The following STAM variants were observed in gnomAD, a reference collection of about 807,000 sequenced individuals.
STAM encodes signal transducing adapter molecule 1.
A neutral mutation model predicts 63.4 loss-of-function variants in STAM; 16 were observed. The observed-to-expected ratio is 0.25, with a 90% CI of 0.17 to 0.38. The LOEUF is 0.38. STAM is among the 10% of genes least tolerant of loss of function. The probability of loss-of-function intolerance (pLI) is 1.00; values close to 1 mark genes in which losing one functional copy is unlikely to be tolerated. For missense variants in STAM, 636 were observed against 657.1 expected, an observed-to-expected ratio of 0.97 and a Z score of 0.35; for synonymous variants, 238 against 223.9, an observed-to-expected ratio of 1.06 and a Z score of -0.56.
At chr10:17,647,588 C>A (rs1554821030) in intron 1 of STAM, among the ~76,000 whole-genome samples, 1 of 151,978 alleles carries the variant, frequency 6.6e-6, no homozygotes, top group Non-Finnish European at 1.5e-5. Flanking sequence ...TGGATTCAGT[C>A]CCAGGTTTGC....
intron 12 of STAM, among the ~76,000 whole-genome samples, chr10:17,707,964 C>T (rs563764358): frequency 2.0e-5 from 3 of 151,804 alleles, no homozygotes; most frequent in South Asian, 2.1e-4. Context: ...GATCTCAGCT[C>T]GCTGCCAGCT....
chr10:17,661,091 C>G (rs1477323118), intron 2 of STAM, among the ~76,000 whole-genome samples: 1 of 152,126 alleles, frequency 6.6e-6, no homozygotes, highest in African/African-American at 2.4e-5. Context: ...GAAATTTTTT[C>G]TTTCTGTTGA....
At chr10:17,690,193 G>T (rs1835470656) in intron 5 of STAM, among the ~76,000 whole-genome samples, 1 of 152,190 alleles carries the variant, frequency 6.6e-6, no homozygotes. Flanking sequence ...TCTCAGTCCA[G>T]TGTTCTTTTC....
intron 1 of STAM, among the ~76,000 whole-genome samples, chr10:17,651,064 C>CAA (rs10606057): frequency 3.4e-4 from 19 of 55,746 alleles, no homozygotes; most frequent in Non-Finnish European, 5.2e-4. Flanking sequence ...GAGTCCGTCT[C>CAA]AAAAAAAAAA....
chr10:17,656,907 C>A (rs145850510), intron 1 of STAM, among the ~76,000 whole-genome samples: 1 of 152,214 alleles, frequency 6.6e-6, no homozygotes, highest in African/African-American at 2.4e-5. Flanking sequence ...CGGTTTTTAA[C>A]TTTGATCCCA....
At position 17,644,298 on chromosome 10, in the gene STAM, G is replaced by A. The variant is rs1833430807; in HGVS notation, c.-42G>A. ...TACGTCGAGCTCTGACTCCCGTGCT[G>A]TCGAGAGGGAGTCCCCGGGGACACC... On this transcript the variant is annotated 5_prime_UTR_variant, in exon 1 of 14. Coordinates refer to ENST00000377524, the MANE Select transcript of STAM (RefSeq NM_003473.4). 2 of 1,610,826 alleles carry A rather than the reference G, an allele frequency of 1.2e-6. No individual in the cohort carries two copies. Among genetic ancestry groups the A allele is most frequent in the Admixed American group, 1.7e-5 (1 of 60,008 alleles).
rs1296744353 is a variant in STAM, at chr10:17,716,745, C to T, written c.*1965C>T. Among the ~76,000 whole-genome samples the T allele has an allele frequency of 6.6e-6, 1 of 152,150 alleles. No homozygotes were observed. The highest frequency in any genetic ancestry group is 1.5e-5 in the Non-Finnish European group (1 of 68,030). ...GTAACAGTGAATAGAAAAAACTACC[C>T]TTATTACAACCCATATACATTTTTC... On this transcript the variant is annotated 3_prime_UTR_variant, in exon 14 of 14. Coordinates refer to ENST00000377524, the MANE Select transcript of STAM (RefSeq NM_003473.4).
chr10:17,709,592 G>C (rs1367757764), intron 13 of STAM, among the ~76,000 whole-genome samples: 1 of 152,114 alleles, frequency 6.6e-6, no homozygotes, highest in Non-Finnish European at 1.5e-5. Context: ...GGGACTCTGA[G>C]CTGAAATCTT....
At chr10:17,714,511 T>G in intron 13 of STAM, 32 bp from the exon 14 acceptor site, 1 of 1,583,710 alleles carries the variant, frequency 6.3e-7, no homozygotes, top group South Asian at 1.1e-5. Context: ...AAATCAGTAT[T>G]GATGTAATTG....
chr10:17,707,265 C>G (rs1836328540), intron 12 of STAM, among the ~76,000 whole-genome samples: 1 of 151,988 alleles, frequency 6.6e-6, no homozygotes, highest in South Asian at 2.1e-4. Context: ...AAAAATTTAG[C>G]CTGGCGTGGT....
chr10:17,704,963 A>C lies in STAM; in HGVS notation c.1001-7A>C. On this transcript the variant is annotated splice_region_variant and splice_polypyrimidine_tract_variant and intron_variant, in intron 10 of 13. Coordinates refer to ENST00000377524, the MANE Select transcript of STAM (RefSeq NM_003473.4). ...TTCTTATATTTCTTCACATCTTGTC[A>C]TTTTAGCAATGTGTCACCAGATGGG... 4 of 1,610,216 alleles carry C rather than the reference A, an allele frequency of 2.5e-6. No individual in the cohort carries two copies. The highest frequency in any genetic ancestry group is 3.4e-6 in the Non-Finnish European group (4 of 1,178,218).
intron 5 of STAM, among the ~76,000 whole-genome samples, chr10:17,688,956 T>C (rs1835415227): frequency 6.6e-6 from 1 of 152,130 alleles, no homozygotes; most frequent in Non-Finnish European, 1.5e-5. Context: ...ATGAGAGGAC[T>C]TTAGAAGGGG....
At chr10:17,703,008 C>CAAAAAAAAAAAAAAAAA (rs71507229) in intron 9 of STAM, among the ~76,000 whole-genome samples, 1 of 67,868 alleles carries the variant, frequency 1.5e-5, no homozygotes, top group African/African-American at 5.2e-5. Flanking sequence ...GACTCCATCT[C>CAAAAAAAAAAAAAAAAA]AAAAAAAAAA....
intron 2 of STAM, among the ~76,000 whole-genome samples, chr10:17,683,474 A>C (rs1186278866): frequency 7.3e-5 from 11 of 151,446 alleles, no homozygotes; most frequent in African/African-American, 2.7e-4. Flanking sequence ...TTTTATTTTC[A>C]TTTTTCTCTT....
At chr10:17,669,655 G>A (rs1834542484) in intron 2 of STAM, among the ~76,000 whole-genome samples, 1 of 149,092 alleles carries the variant, frequency 6.7e-6, no homozygotes, top group African/African-American at 2.5e-5. Context: ...TTTCAGTGGG[G>A]TTTTTCTTTC....
At chr10:17,690,092 A>T (rs1479885388) in intron 5 of STAM, among the ~76,000 whole-genome samples, 5 of 152,334 alleles carry the variant, frequency 3.3e-5, no homozygotes, top group Admixed American at 3.3e-4. Flanking sequence ...ATTTTTACAG[A>T]TGAGGAAACT....
intron 2 of STAM, among the ~76,000 whole-genome samples, chr10:17,679,321 G>A (rs1554825011): frequency 6.6e-6 from 1 of 152,188 alleles, no homozygotes; most frequent in Non-Finnish European, 1.5e-5. Flanking sequence ...TGCTAGCGAT[G>A]TTGAGCATTT....
chr10:17,648,222 G>C (rs1197857016), intron 1 of STAM, among the ~76,000 whole-genome samples: 1 of 152,164 alleles, frequency 6.6e-6, no homozygotes, highest in Non-Finnish European at 1.5e-5. Context: ...GTCTTACAAG[G>C]GGATTGTAAA....
chr10:17,664,114 G>T (rs7092926), intron 2 of STAM, among the ~76,000 whole-genome samples: 71,154 of 151,742 alleles, frequency 0.47, 17,210 homozygotes, highest in African/African-American at 0.6. Flanking sequence ...CAAAATTATT[G>T]TGAGTCCTAG....
Sources: gnomAD v4.1 joint callset for allele counts (sites outside exome capture counted in the v4.1 genomes callset) on GRCh38, gnomAD v4.1.1 for gene constraint, MANE v1.5 for transcripts, NCBI Gene and HGNC (gene_info 2026-07-23, HGNC 2026-07-21) for gene names.